The following ARHGAP17 variants were observed in gnomAD, a reference collection of about 807,000 sequenced individuals.
ARHGAP17 encodes the protein Rho GTPase activating protein 17, also known as rho GTPase-activating protein 17.
A neutral mutation model predicts 99.5 loss-of-function variants in ARHGAP17; 57 were observed. The observed-to-expected ratio is 0.57, with a 90% CI of 0.46 to 0.71. ARHGAP17 has a LOEUF of 0.71. Ranked by LOEUF, ARHGAP17 falls within the 30% of genes least tolerant of loss-of-function variation. The pLI, the probability that ARHGAP17 is intolerant of heterozygous loss-of-function variation, is 0.00. For synonymous variants in ARHGAP17, 417 were observed against 429.6 expected (o/e 0.97, Z 0.36); for missense variants, 1,000 against 1,122.4 (o/e 0.89, Z 1.56).
chr16:25,014,432 C>A (rs1046953098), intron 1 of ARHGAP17, among the ~76,000 whole-genome samples: 1 of 152,228 alleles, frequency 6.6e-6, no homozygotes, highest in Non-Finnish European at 1.5e-5. Context: ...GTCTAGCCTG[C>A]CATTTAATAA....
chr16:24,997,249 G>A (rs1367003207), intron 1 of ARHGAP17, among the ~76,000 whole-genome samples: 1 of 150,906 alleles, frequency 6.6e-6, no homozygotes, highest in African/African-American at 2.4e-5. Context: ...TTATCACCTG[G>A]ACTGGTGCAA....
intron 16 of ARHGAP17, among the ~76,000 whole-genome samples, chr16:24,941,341 T>C (rs1263474577): frequency 1.3e-5 from 2 of 152,154 alleles, no homozygotes; most frequent in Non-Finnish European, 2.9e-5. Flanking sequence ...ATCACACACA[T>C]GGGACAGGTT....
intron 19 of ARHGAP17, among the ~76,000 whole-genome samples, chr16:24,924,447 T>G (rs2050790771): frequency 6.7e-6 from 1 of 150,286 alleles, no homozygotes; most frequent in African/African-American, 2.4e-5. Context: ...TTTCTGTTTT[T>G]TTTTTTTTTA....
Position 24,977,309 on chromosome 16 carries a change from C to T in ARHGAP17, c.104G>A (p.Arg35His), listed in dbSNP as rs754194639. 8.8e-6 allele frequency: 14 copies of T among 1,583,692 alleles called. No individual in the cohort carries two copies. Among genetic ancestry groups the T allele is most frequent in the South Asian group, 4.6e-5 (4 of 87,030 alleles). Residue 35 changes from arginine to histidine, a missense_variant, in exon 3 of 20, where the codon CGC (arginine) becomes CAC (histidine). Around this residue, in one of 2 missense-constraint regions of ARHGAP17, gnomAD observed 472 missense variants for 611.1 expected, o/e 0.77. Coordinates refer to ENST00000289968, the MANE Select transcript of ARHGAP17 (RefSeq NM_001006634.3). ...GCATATTGACCGCACCGTGTCCAGG[C>T]GTCTCTCAATCTGACAAGGCAGAGA... ...LSEDLLQIER[R>H]LDTVRSICHH...
In ARHGAP17 at chr16:24,947,508, A is replaced by G. The variant is rs1166090383; in HGVS notation, c.1215T>C (p.Pro405=). ...TPSNIAIVLG[P]NLLWARNEGT... ...CTTCATTTCTGGCCCATAACAAGTT[A>G]GGGCCTAACACAATCGCAATGTTGC... The change falls in exon 14 of 20, where the codon CCT becomes CCC. Residue 405 remains proline (P), a synonymous_variant. Transcript: ENST00000289968. The G allele has an allele frequency of 6.2e-7, 1 of 1,613,710 alleles. No homozygotes were observed. The highest frequency in any genetic ancestry group is 1.7e-5 in the Admixed American group (1 of 60,032).
intron 3 of ARHGAP17, among the ~76,000 whole-genome samples, chr16:24,972,810 C>T (rs2052404460): frequency 6.8e-6 from 1 of 147,248 alleles, no homozygotes; most frequent in East Asian, 1.9e-4. Context: ...AATCTTGTTT[C>T]CTATGTACAT....
At chr16:24,953,992 T>C (rs1424370577) in intron 10 of ARHGAP17, among the ~76,000 whole-genome samples, 1 of 152,074 alleles carries the variant, frequency 6.6e-6, no homozygotes, top group East Asian at 1.9e-4. Flanking sequence ...ACCTATGATA[T>C]GTATGCTTTT....
intron 1 of ARHGAP17, among the ~76,000 whole-genome samples, chr16:25,010,797 T>C (rs1434744613): frequency 6.6e-6 from 1 of 152,254 alleles, no homozygotes. Context: ...TGGGACACAG[T>C]CCTCCAGGTC....
intron 7 of ARHGAP17, among the ~76,000 whole-genome samples, chr16:24,960,337 G>A (rs1567232020): frequency 6.6e-6 from 1 of 152,218 alleles, no homozygotes; most frequent in Non-Finnish European, 1.5e-5. Flanking sequence ...CTGAGGTCAG[G>A]AGTTTGAGAC....
rs377029563 is a variant in ARHGAP17 at position 24,955,027 on chromosome 16, G to A, written c.725-297C>T. On this transcript the variant is annotated intron_variant, in intron 9 of 19. Coordinates refer to ENST00000289968, the MANE Select transcript of ARHGAP17 (RefSeq NM_001006634.3). This position sits in a 1 kb window ranked among gnomAD's most constrained non-coding sequence, Gnocchi z 4.0. ...CCTGCACCACACTTCATCAACACAC[G>A]CCAGCGGGTTTAGTGGGCTGCCTTG... 9 of 312,344 alleles carry A rather than the reference G, an allele frequency of 2.9e-5. No individual in the cohort carries two copies. In the South Asian group the frequency reaches 4.8e-4, roughly 17 times the overall value. The allele number at this position is 312,344 out of a possible 1,614,324, so 19.3% of individuals were successfully genotyped here. A position where few individuals can be genotyped will look rare whatever the true frequency, so the allele number is the denominator to read the frequency against.
intron 1 of ARHGAP17, among the ~76,000 whole-genome samples, chr16:24,993,333 C>T (rs2053103597): frequency 6.6e-6 from 1 of 152,088 alleles, no homozygotes; most frequent in East Asian, 1.9e-4. Context: ...CGCCTGTAAT[C>T]CCAGCACTTT....
chr16:24,978,939 C>G, intron 2 of ARHGAP17, 27 bp downstream of exon 2: 1 of 1,523,294 alleles, frequency 6.6e-7, no homozygotes, highest in Non-Finnish European at 8.9e-7. Context: ...TTAAACAGAT[C>G]ATTTAAAGGA....
intron 6 of ARHGAP17, 114 bp from the exon 7 acceptor site, chr16:24,964,422 G>A (rs1597417074): frequency 2.7e-6 from 2 of 730,588 alleles, no homozygotes; most frequent in East Asian, 2.6e-5. Flanking sequence ...CCTGGAAGGG[G>A]TATCATTGCC....
chr16:24,993,171 T>TA (rs1004104314), intron 1 of ARHGAP17, among the ~76,000 whole-genome samples: 5 of 151,914 alleles, frequency 3.3e-5, no homozygotes, highest in African/African-American at 7.2e-5. Flanking sequence ...TACTAAAATT[T>TA]AAAAAAAAAT....
At chr16:24,936,981 T>G (rs541120451) in intron 17 of ARHGAP17, among the ~76,000 whole-genome samples, 12 of 150,310 alleles carry the variant, frequency 8.0e-5, no homozygotes, top group Non-Finnish European at 1.6e-4. Flanking sequence ...TAGCTGGGCA[T>G]GGGGATGCAC....
chr16:24,933,803 G>A lies in ARHGAP17; in HGVS notation c.1894+1667C>T, dbSNP rs185514619. Among the ~76,000 whole-genome samples, 612 of 152,236 alleles carry A rather than the reference G, an allele frequency of 4.0e-3. 3 individuals carry two copies. The highest frequency in any genetic ancestry group is 0.014 in the African/African-American group (577 of 41,518). Reference sequence around the variant, plus strand: ...GTCTGAGACCACCTCAGAGGCGCAGGGGGTGGGGAAGGAAAAAAGAATCAA... The same window carrying A: ...GTCTGAGACCACCTCAGAGGCGCAGAGGGTGGGGAAGGAAAAAAGAATCAA... On this transcript the variant is annotated intron_variant, in intron 18 of 19. Coordinates refer to ENST00000289968, the MANE Select transcript of ARHGAP17 (RefSeq NM_001006634.3).
At chr16:24,976,205 G>A (rs1006701543) in intron 3 of ARHGAP17, among the ~76,000 whole-genome samples, 1 of 152,190 alleles carries the variant, frequency 6.6e-6, no homozygotes, top group African/African-American at 2.4e-5. Context: ...CAAGAGCTTG[G>A]AAAAAGCAGC....
intron 11 of ARHGAP17, 117 bp downstream of exon 11, chr16:24,952,814 C>T (rs758674719): frequency 5.1e-5 from 43 of 845,228 alleles, no homozygotes; most frequent in Non-Finnish European, 7.4e-5. Flanking sequence ...AGAGCCACTT[C>T]GGTTTTGTCA....
Position 25,000,621 on chromosome 16 carries a change from T to C in ARHGAP17, c.53+14588A>G, listed in dbSNP as rs190960491. ...AAATCTACAGGCAGCAAGGTTTCCA[T>C]TCCTAAAGACTGCCCTGAGATTCAG... On this transcript the variant is annotated intron_variant, in intron 1 of 19. Transcript: ENST00000289968. 2.5e-3 allele frequency among the ~76,000 whole-genome samples: 378 copies of C among 152,322 alleles called. 1 individual carries two copies. Among genetic ancestry groups the C allele is most frequent in the African/African-American group, 8.7e-3 (363 of 41,586 alleles).
Sources: gnomAD v4.1 joint callset for allele counts (sites outside exome capture counted in the v4.1 genomes callset) on GRCh38, gnomAD v4.1.1 for gene constraint, gnomAD v4.1.1 regional missense constraint, Gnocchi (gnomAD v3.1) non-coding constraint, MANE v1.5 for transcripts, NCBI Gene and HGNC (gene_info 2026-07-23, HGNC 2026-07-21) for gene names.